ARID1B: variants seen among roughly 807,000 people sequenced by gnomAD.
ARID1B encodes the protein AT-rich interaction domain 1B, also known as AT-rich interactive domain-containing protein 1B.
A neutral mutation model predicts 212.3 loss-of-function variants in ARID1B; 30 were observed. The observed-to-expected ratio is 0.14, with a 90% CI of 0.11 to 0.19. The LOEUF (loss-of-function observed/expected upper bound fraction) is 0.19. Among genes scored for constraint, ARID1B ranks in the 10% least tolerant of loss-of-function variants. The probability of loss-of-function intolerance (pLI) is 1.00; values close to 1 mark genes in which losing one functional copy is unlikely to be tolerated. For missense variants in ARID1B, 2,891 were observed against 3,204.0 expected (o/e 0.90, Z 2.36); for synonymous variants, 1,402 against 1,301.7 (o/e 1.08, Z -1.66).
At chr6:156,802,192 T>C (rs1376379767) in intron 1 of ARID1B, among the ~76,000 whole-genome samples, 2 of 152,234 alleles carry the variant, frequency 1.3e-5, no homozygotes, top group African/African-American at 4.8e-5. Context: ...GATTATAGTG[T>C]TGCTATGAGG....
intron 7 of ARID1B, among the ~76,000 whole-genome samples, chr6:157,145,781 G>A (rs568541361): frequency 5.3e-5 from 8 of 152,250 alleles, no homozygotes; most frequent in Non-Finnish European, 7.4e-5. Flanking sequence ...TGTGAGCCAC[G>A]TGACCATGGG....
intron 2 of ARID1B, among the ~76,000 whole-genome samples, chr6:156,893,033 TC>T (rs1788065469): frequency 7.1e-6 from 1 of 139,902 alleles, no homozygotes; most frequent in South Asian, 2.2e-4. Flanking sequence ...TCTTTTTTTT[TC>T]TTTTTTCTTC....
chr6:156,945,233 CTTTTTTTTTTTTTTTTTTTTTTTTT>C (rs1164805779), intron 4 of ARID1B, among the ~76,000 whole-genome samples: 1 of 32,646 alleles, frequency 3.1e-5, no homozygotes, highest in Non-Finnish European at 5.8e-5. Flanking sequence ...CCGCATCCGG[CTTTTTTTTTTTTTTTTTTTTTTTTT>C]TTTTTTTTTT....
At chr6:157,075,283 T>C (rs893468585) in intron 4 of ARID1B, among the ~76,000 whole-genome samples, 47 of 152,216 alleles carry the variant, frequency 3.1e-4, no homozygotes, top group African/African-American at 1.1e-3. Context: ...GATTTTAAAA[T>C]ATAAAAATAG....
At chr6:157,051,945 G>A (rs904043020) in intron 4 of ARID1B, among the ~76,000 whole-genome samples, 1 of 152,092 alleles carries the variant, frequency 6.6e-6, no homozygotes, top group Non-Finnish European at 1.5e-5. Flanking sequence ...TATATGATTA[G>A]ATGTATTTTG....
chr6:157,185,547 C>T (rs1562332621), intron 13 of ARID1B: 2 of 152,204 alleles, frequency 1.3e-5, no homozygotes, highest in African/African-American at 4.8e-5. Context: ...ATGAAGGTCT[C>T]GTGGAATCTA....
intron 2 of ARID1B, among the ~76,000 whole-genome samples, chr6:156,884,265 A>AT (rs1396409105): frequency 1.3e-5 from 2 of 152,044 alleles, no homozygotes; most frequent in African/African-American, 2.4e-5. Context: ...AACTTTCAGT[A>AT]TTTTTTAAGC....
chr6:157,148,718 G>T lies in ARID1B; in HGVS notation c.2856G>T (p.Met952Ile), dbSNP rs376497842. The change falls in exon 8 of 20, where the codon ATG becomes ATT. Residue 952 changes from methionine (M) to isoleucine (I), a missense_variant. Met to Ile is a conservative substitution (Grantham distance 10). Around this residue, in one of 7 missense-constraint regions of ARID1B, gnomAD observed 1,643 missense variants for 1,544.0 expected, o/e 1.06. Transcript: ENST00000636930. The surrounding 1 kb of genome is among the most constrained non-coding windows in gnomAD (Gnocchi z 5.6). ...TGGGTATCAGTGCCAACAACCAGAT[G>T]CATGGACAAGGGCCAAGCCAGCCAT... The part of the protein sequence containing the change: ...PGMGISANNQ[M>I]HGQGPSQPCG... 55 of 1,613,022 alleles carry T rather than the reference G, an allele frequency of 3.4e-5. No individual in the cohort carries two copies. In the African/African-American group the frequency reaches 6.1e-4, roughly 18 times the overall value.
intron 4 of ARID1B, among the ~76,000 whole-genome samples, chr6:156,965,460 T>C (rs981085169): frequency 6.6e-6 from 1 of 152,226 alleles, no homozygotes; most frequent in Non-Finnish European, 1.5e-5. Flanking sequence ...TCACTGTTTG[T>C]TATTCGATGA....
intron 8 of ARID1B, chr6:157,166,187 C>G (rs1209990973): frequency 6.6e-6 from 1 of 152,228 alleles, no homozygotes; most frequent in Non-Finnish European, 1.5e-5. Context: ...CAGTTAAAAT[C>G]TCTCCCCCAT....
rs1250963206 is a variant in ARID1B, at chr6:156,778,206, C to G, written c.526C>G (p.His176Asp). The change falls in exon 1 of 20, where the codon CAC becomes GAC. Residue 176 changes from histidine (H) to aspartate (D), a missense_variant. By Grantham distance (81) the His-to-Asp change is moderately conservative. Coordinates refer to ENST00000636930, the MANE Select transcript of ARID1B (RefSeq NM_001374828.1). ...CCACCACCACCACCATGCCCACCAC[C>G]ACCACCACCATGCCCACCACCTCCA... ...QHHHHHHAHH[H>D]HHHAHHLHHH... 6.5e-7 allele frequency: 1 copy of G among 1,540,372 alleles called. No homozygotes were observed. The highest frequency in any genetic ancestry group is 8.7e-7 in the Non-Finnish European group (1 of 1,146,570).
intron 1 of ARID1B, among the ~76,000 whole-genome samples, 165 bp from the exon 2 acceptor site, chr6:156,829,062 G>T (rs962167021): frequency 6.6e-6 from 1 of 152,166 alleles, no homozygotes; most frequent in East Asian, 1.9e-4. Context: ...ATCCATCTAG[G>T]TTTTTTCTTT....
At chr6:157,158,365 C>G (rs1790702083) in intron 8 of ARID1B, among the ~76,000 whole-genome samples, 1 of 152,150 alleles carries the variant, frequency 6.6e-6, no homozygotes. Context: ...TTTTCTGTTT[C>G]CTGGACAAGT....
chr6:156,803,633 CT>C lies in ARID1B; in HGVS notation c.1791+24176del, dbSNP rs1384160323. 8.4e-3 allele frequency among the ~76,000 whole-genome samples: 1,174 copies of C among 138,992 alleles called. 5 individuals are homozygous for C. The highest frequency in any genetic ancestry group is 0.019 in the African/African-American group (720 of 38,190). 91.2% of individuals were successfully genotyped at this position (138,992 alleles called of 152,430 possible). A position where few individuals can be genotyped will look rare whatever the true frequency, so the allele number is the denominator to read the frequency against. Reference sequence around the variant, plus strand: ...TCTTGCTTTCATTTTATCTTTTTCTCTTTTTTTTTTTTTTAAATTCCTTTTT... The same window carrying C: ...TCTTGCTTTCATTTTATCTTTTTCTCTTTTTTTTTTTTTAAATTCCTTTTT... On this transcript the variant is annotated intron_variant, in intron 1 of 19. Transcript: ENST00000636930.
rs969574761 is a variant in ARID1B at position 156,778,145 on chromosome 6, T to A, written c.465T>A (p.Val155=). 6.5e-7 allele frequency: 1 copy of A among 1,537,358 alleles called. No individual in the cohort carries two copies. The highest frequency in any genetic ancestry group is 2.0e-5 in the Admixed American group (1 of 50,806). The change falls in exon 1 of 20, where the codon GTT becomes GTA. Residue 155 remains valine (V), a synonymous_variant. Transcript: ENST00000636930. Reference sequence around the variant, plus strand: ...TCCCCAACCACAAACTGAAAACCGTTGGCGAAGCCCCCGCCGCGCCGCCCC... The same window carrying A: ...TCCCCAACCACAAACTGAAAACCGTAGGCGAAGCCCCCGCCGCGCCGCCCC... The part of the protein sequence containing the change: ...GLLPNHKLKT[V]GEAPAAPPHQ...
intron 2 of ARID1B, among the ~76,000 whole-genome samples, chr6:156,848,535 C>T (rs908755613): frequency 3.9e-5 from 6 of 152,196 alleles, no homozygotes; most frequent in Non-Finnish European, 8.8e-5. Flanking sequence ...GTCTTCATCA[C>T]GATTAGAACA....
At chr6:156,781,280 T>G (rs905402535) in intron 1 of ARID1B, among the ~76,000 whole-genome samples, 2 of 150,810 alleles carry the variant, frequency 1.3e-5, no homozygotes, top group Non-Finnish European at 3.0e-5. Context: ...TGCCCCATAA[T>G]CTTTTTTTTT....
At position 157,201,526 on chromosome 6, in the gene ARID1B, A is replaced by G. The variant is rs1177757303; in HGVS notation, c.5263+38A>G. 6.7e-7 allele frequency: 1 copy of G among 1,488,284 alleles called. No individual in the cohort carries two copies. Among genetic ancestry groups the G allele is most frequent in the African/African-American group, 1.4e-5 (1 of 71,148 alleles). The allele number at this position is 1,488,284 out of a possible 1,614,324, so 92.2% of individuals were successfully genotyped here. A position where few individuals can be genotyped will look rare whatever the true frequency, so the allele number is the denominator to read the frequency against. ...AAGCTTTCATTCTGAAATGAATTCC[A>G]GTTGCAGTGTAGAATTTTAATTTTA... On this transcript the variant is annotated intron_variant, in intron 18 of 19. Transcript: ENST00000636930. The surrounding 1 kb of genome is among the most constrained non-coding windows in gnomAD (Gnocchi z 5.2).
chr6:156,935,849 C>T, intron 4 of ARID1B: 1 of 362,398 alleles, frequency 2.8e-6, no homozygotes, highest in Non-Finnish European at 5.1e-6. Flanking sequence ...GTGGTTATTG[C>T]TGTTGTACAG....
Sources: gnomAD v4.1 joint callset for allele counts (sites outside exome capture counted in the v4.1 genomes callset) on GRCh38, gnomAD v4.1.1 for gene constraint, gnomAD v4.1.1 regional missense constraint, Gnocchi (gnomAD v3.1) non-coding constraint, MANE v1.5 for transcripts, NCBI Gene and HGNC (gene_info 2026-07-23, HGNC 2026-07-21) for gene names.